Variants in TRIM37 observed in about 807,000 individuals in gnomAD.
The protein encoded by TRIM37 is E3 ubiquitin-protein ligase TRIM37.
In TRIM37, 80 loss-of-function variants were observed where a neutral mutation model predicts 129.8. The ratio of observed to expected loss-of-function variants is 0.62; its 90% CI spans 0.51 to 0.74. TRIM37 has a LOEUF of 0.74. Among genes scored for constraint, TRIM37 ranks in the 30% least tolerant of loss-of-function variants. TRIM37 has a pLI of 0.00. For synonymous variants in TRIM37, 389 were observed against 387.1 expected, an observed-to-expected ratio of 1.00 and a Z score of -0.06; for missense variants, 1,054 against 1,176.5, an observed-to-expected ratio of 0.90 and a Z score of 1.52.
At chr17:59,037,526 C>G (rs2145782863) in intron 17 of TRIM37, among the ~76,000 whole-genome samples, 1 of 132,810 alleles carries the variant, frequency 7.5e-6, no homozygotes, top group East Asian at 2.5e-4. Flanking sequence ...CCACTGCACT[C>G]CAGCCCGGGC....
At chr17:59,036,688 A>G (rs2038551864) in intron 17 of TRIM37, among the ~76,000 whole-genome samples, 1 of 152,102 alleles carries the variant, frequency 6.6e-6, no homozygotes, top group Admixed American at 6.5e-5. Flanking sequence ...GGTCTATAAA[A>G]TAAGATTATT....
In TRIM37 at chr17:58,999,478, T is replaced by A; in HGVS notation, c.2813-19A>T. 1 of 1,579,376 alleles carries A rather than the reference T, an allele frequency of 6.3e-7. No individual in the cohort carries two copies. The highest frequency in any genetic ancestry group is 1.7e-5 in the Admixed American group (1 of 58,816). ...TGTGTATCTATGATTAAAAAATAAA[T>A]AAAAAATTTAAAATTTAAAAGCATA... On this transcript the variant is annotated intron_variant, in intron 23 of 23. Coordinates refer to ENST00000262294, the MANE Select transcript of TRIM37 (RefSeq NM_015294.6).
At position 59,022,136 on chromosome 17, in the gene TRIM37, G is replaced by A. The variant is rs1182474385; in HGVS notation, c.2258-4712C>T. Among the ~76,000 whole-genome samples, 4 of 151,988 alleles carry A rather than the reference G, an allele frequency of 2.6e-5. 1 individual carries two copies. In the South Asian group the frequency reaches 6.2e-4, roughly 24 times the overall value. ...GAATTTAATCTGTAAAACAAGCACA[G>A]AATTAGAACTAAAGTGGGTTAAGGA... On this transcript the variant is annotated intron_variant, in intron 19 of 23. Transcript: ENST00000262294.
chr17:59,080,701 G>C (rs559539504), intron 6 of TRIM37, among the ~76,000 whole-genome samples: 332 of 152,254 alleles, frequency 2.2e-3, no homozygotes, highest in Non-Finnish European at 3.9e-3. Flanking sequence ...TGAGGCAAAA[G>C]AATCACTTGA....
At chr17:59,075,040 T>G (rs1249166526) in intron 8 of TRIM37, among the ~76,000 whole-genome samples, 1 of 152,138 alleles carries the variant, frequency 6.6e-6, no homozygotes, top group Non-Finnish European at 1.5e-5. Flanking sequence ...AGCCACCACT[T>G]AAGTCACAGT....
chr17:59,073,586 G>A (rs910827121), intron 8 of TRIM37, among the ~76,000 whole-genome samples: 2 of 152,130 alleles, frequency 1.3e-5, no homozygotes, highest in Non-Finnish European at 2.9e-5. Context: ...CACCACGCCC[G>A]GCCTATTTCT....
chr17:59,004,262 C>T (rs999925913), intron 22 of TRIM37, among the ~76,000 whole-genome samples: 7 of 152,198 alleles, frequency 4.6e-5, no homozygotes, highest in African/African-American at 1.7e-4. Flanking sequence ...TTATAAAAAA[C>T]ATTCTGAATT....
intron 8 of TRIM37, 64 bp downstream of exon 8, chr17:59,075,583 A>AAAAAC: frequency 2.8e-6 from 3 of 1,060,674 alleles, no homozygotes; most frequent in African/African-American, 1.6e-5. Context: ...AAAAAAAAAA[A>AAAAAC]ACAACTACAG....
downstream of TRIM37, chr17:58,981,001 A>G (rs781474648): frequency 6.2e-7 from 1 of 1,611,464 alleles, no homozygotes; most frequent in East Asian, 2.2e-5. Flanking sequence ...TTCCATGCCC[A>G]GATCTTCCTT....
chr17:59,100,024 A>C (rs1478485112), intron 2 of TRIM37, among the ~76,000 whole-genome samples: 1 of 151,756 alleles, frequency 6.6e-6, no homozygotes, highest in Non-Finnish European at 1.5e-5. Context: ...CTGGTCTCGA[A>C]CTCCCGAATT....
In TRIM37 at chr17:59,015,141, A is replaced by G. The variant is rs532833826; in HGVS notation, c.2576+469T>C. Among the ~76,000 whole-genome samples the G allele has an allele frequency of 3.5e-4, 53 of 152,074 alleles. 1 individual carries two copies. The South Asian group carries it at 9.3e-3, about 27-fold the overall frequency. ...AAAAGTAAAATCTCTGATACTTTAA[A>G]AAAGTTAAAATTTAGGCCAGGTGCA... is the stretch of plus-strand genomic sequence containing the variant. On this transcript the variant is annotated intron_variant, in intron 21 of 23. Coordinates refer to ENST00000262294, the MANE Select transcript of TRIM37 (RefSeq NM_015294.6).
At chr17:59,091,777 T>C (rs1433560418) in intron 2 of TRIM37, among the ~76,000 whole-genome samples, 1 of 150,692 alleles carries the variant, frequency 6.6e-6, no homozygotes, top group African/African-American at 2.4e-5. Flanking sequence ...GATAAACTTT[T>C]GAAGGGACAA....
intron 6 of TRIM37, among the ~76,000 whole-genome samples, chr17:59,080,289 A>T (rs1373447335): frequency 6.6e-6 from 1 of 152,246 alleles, no homozygotes; most frequent in Non-Finnish European, 1.5e-5. Context: ...TCACAGAAAT[A>T]ACATTATAAA....
rs1385610654 is a variant in TRIM37, at chr17:59,064,408, A to T, written c.810-3T>A. ...AATCGTAAGATGGCACTAATTCACT[A>T]AAAAAAAAAAGGCAAAAAAAATTAT... On this transcript the variant is annotated splice_polypyrimidine_tract_variant and splice_region_variant and intron_variant, in intron 9 of 23. Coordinates refer to ENST00000262294, the MANE Select transcript of TRIM37 (RefSeq NM_015294.6). The T allele has an allele frequency of 1.1e-5, 6 of 570,070 alleles. No homozygotes were observed. Among genetic ancestry groups the T allele is most frequent in the Non-Finnish European group, 1.5e-5 (6 of 405,020 alleles). 35.3% of individuals were successfully genotyped at this position (570,070 alleles called of 1,614,324 possible). A position where few individuals can be genotyped will look rare whatever the true frequency, so the allele number is the denominator to read the frequency against.
intron 4 of TRIM37, among the ~76,000 whole-genome samples, chr17:59,085,761 A>G (rs2043694060): frequency 6.6e-6 from 1 of 152,228 alleles, no homozygotes. Flanking sequence ...TAGCAGCATT[A>G]TTCACTACAG....
intron 17 of TRIM37, among the ~76,000 whole-genome samples, chr17:59,039,392 G>A (rs1465510959): frequency 6.7e-6 from 1 of 148,948 alleles, no homozygotes; most frequent in Non-Finnish European, 1.5e-5. Context: ...TGTCACCCAG[G>A]TTGGAGTGCG....
chr17:59,001,469 A>AT, intron 23 of TRIM37, 129 bp downstream of exon 23: 16 of 1,067,700 alleles, frequency 1.5e-5, no homozygotes, highest in Non-Finnish European at 1.9e-5. Flanking sequence ...AAAAAAAAAA[A>AT]GAAGTAGAAG....
chr17:59,074,412 TAAAAAGAAAAGGA>T (rs1292494129), intron 8 of TRIM37, among the ~76,000 whole-genome samples: 1 of 151,998 alleles, frequency 6.6e-6, no homozygotes, highest in African/African-American at 2.4e-5. Flanking sequence ...TGTGTGTATG[TAAAAAGAAAAGGA>T]AAAAAGAATG....
At chr17:59,046,652 T>G (rs1748759521) in intron 16 of TRIM37, among the ~76,000 whole-genome samples, 1 of 150,916 alleles carries the variant, frequency 6.6e-6, no homozygotes, top group Admixed American at 6.6e-5. Flanking sequence ...TTCTCCTGCC[T>G]CAGCCTACCA....
Sources: gnomAD v4.1 joint callset for allele counts (sites outside exome capture counted in the v4.1 genomes callset) on GRCh38, gnomAD v4.1.1 for gene constraint, MANE v1.5 for transcripts, NCBI Gene and HGNC (gene_info 2026-07-23, HGNC 2026-07-21) for gene names.